Variants in VIT observed in about 807,000 individuals in gnomAD.
VIT encodes the protein vitrin.
A neutral mutation model predicts 78.0 loss-of-function variants in VIT; 99 were observed. The ratio of observed to expected loss-of-function variants is 1.27; its 90% CI spans 1.08 to 1.50. VIT has a LOEUF of 1.50. Among genes scored for constraint, VIT ranks in the 40% most tolerant of loss-of-function variants. The pLI, the probability that VIT is intolerant of heterozygous loss-of-function variation, is 0.00. For synonymous variants in VIT, 374 were observed against 334.3 expected, an observed-to-expected ratio of 1.12 and a Z score of -1.29; for missense variants, 1,126 against 875.3, an observed-to-expected ratio of 1.29 and a Z score of -3.61.
At chr2:36,762,584 T>C (rs372799720) in intron 6 of VIT, among the ~76,000 whole-genome samples, 43 of 152,122 alleles carry the variant, frequency 2.8e-4, no homozygotes, top group African/African-American at 1.0e-3. Flanking sequence ...CGAATTCAAA[T>C]AAAAAATTTC....
At chr2:36,730,822 A>C (rs930528508) in intron 3 of VIT, among the ~76,000 whole-genome samples, 2 of 152,196 alleles carry the variant, frequency 1.3e-5, no homozygotes, top group African/African-American at 4.8e-5. Flanking sequence ...AAAGGCGTGA[A>C]AGTCCCTAAT....
rs1016496368 is a variant in VIT, at chr2:36,805,563, A to G, written c.1288A>G (p.Arg430Gly). 1.7e-5 allele frequency: 27 copies of G among 1,614,030 alleles called. No individual in the cohort carries two copies. The highest frequency in any genetic ancestry group is 2.2e-5 in the East Asian group (1 of 44,890). The change falls in exon 14 of 16, where the codon AGA becomes GGA. Residue 430 changes from arginine (R) to glycine (G), a missense_variant. Transcript: ENST00000379242. ...CACGGACAAAGTGGAGGAGGCTTCAAGACTTGCGAGAGAGTCAGGAATCAA... is the reference window on the plus strand; with the variant it reads ...CACGGACAAAGTGGAGGAGGCTTCAGGACTTGCGAGAGAGTCAGGAATCAA... ...WPTDKVEEAS[R>G]LARESGINIF...
intron 15 of VIT, among the ~76,000 whole-genome samples, chr2:36,813,483 C>T (rs1216086799): frequency 6.6e-6 from 1 of 152,038 alleles, no homozygotes; most frequent in African/African-American, 2.4e-5. Flanking sequence ...AGCACTTTTT[C>T]ATGTTCATCT....
chr2:36,704,146 G>A (rs906151122), intron 1 of VIT, among the ~76,000 whole-genome samples: 8 of 151,858 alleles, frequency 5.3e-5, no homozygotes, highest in Admixed American at 1.3e-4. Context: ...GGCTGGTCTC[G>A]AAGTCCTGAC....
intron 1 of VIT, among the ~76,000 whole-genome samples, chr2:36,708,775 T>C (rs922384116): frequency 6.6e-6 from 1 of 152,176 alleles, no homozygotes; most frequent in African/African-American, 2.4e-5. Context: ...TATGTGCCCA[T>C]CCACCCTTTT....
At chr2:36,755,795 T>A (rs1002590522) in intron 5 of VIT, among the ~76,000 whole-genome samples, 3 of 152,194 alleles carry the variant, frequency 2.0e-5, no homozygotes, top group African/African-American at 7.2e-5. Flanking sequence ...GCACCTATTA[T>A]TTTTAAGTGG....
chr2:36,731,983 G>T (rs1447917205), intron 3 of VIT, among the ~76,000 whole-genome samples: 2 of 152,158 alleles, frequency 1.3e-5, no homozygotes, highest in Non-Finnish European at 2.9e-5. Flanking sequence ...GACCAAAAGG[G>T]CAACCATCCA....
chr2:36,776,812 C>G (rs904341895), intron 9 of VIT, among the ~76,000 whole-genome samples: 1 of 150,418 alleles, frequency 6.6e-6, no homozygotes, highest in Non-Finnish European at 1.5e-5. Context: ...ATAAAATGGC[C>G]TGGCGCGGTG....
At chr2:36,713,529 T>G (rs138187977) in intron 1 of VIT, among the ~76,000 whole-genome samples, 13 of 152,270 alleles carry the variant, frequency 8.5e-5, no homozygotes, top group Admixed American at 2.6e-4. Flanking sequence ...CAATTTACTT[T>G]GAATAGGATC....
chr2:36,700,035 T>C (rs1453051484), intron 1 of VIT, among the ~76,000 whole-genome samples: 1 of 152,128 alleles, frequency 6.6e-6, no homozygotes, highest in Non-Finnish European at 1.5e-5. Flanking sequence ...TTTAATTATA[T>C]GTGACTATAA....
At chr2:36,734,822 G>A (rs1435779792) in intron 3 of VIT, among the ~76,000 whole-genome samples, 1 of 152,054 alleles carries the variant, frequency 6.6e-6, no homozygotes, top group African/African-American at 2.4e-5. Context: ...ATGTTACTTA[G>A]CACCACTGGT....
chr2:36,722,561 C>G (rs1289546532), intron 2 of VIT, among the ~76,000 whole-genome samples: 1 of 152,180 alleles, frequency 6.6e-6, no homozygotes. Flanking sequence ...GAAACCTGAA[C>G]TATGTTTAAA....
At chr2:36,748,556 T>A (rs894008711) in intron 4 of VIT, among the ~76,000 whole-genome samples, 1 of 152,232 alleles carries the variant, frequency 6.6e-6, no homozygotes, top group Non-Finnish European at 1.5e-5. Flanking sequence ...TATTATGAAA[T>A]TCCTGTAGTA....
In VIT at chr2:36,702,195, G is replaced by A. The variant is rs145665396; in HGVS notation, c.-19+5222G>A. Reference sequence around the variant, plus strand: ...GGAAAAGCAAATGAAACAGCCCTGAGTGGAACCATGCTTGGGAGGCCAGTG... The same window carrying A: ...GGAAAAGCAAATGAAACAGCCCTGAATGGAACCATGCTTGGGAGGCCAGTG... On this transcript the variant is annotated intron_variant, in intron 1 of 15. Transcript: ENST00000379242. Among the ~76,000 whole-genome samples the A allele has an allele frequency of 8.6e-3, 1,303 of 152,276 alleles. 11 individuals carry two copies. The highest frequency in any genetic ancestry group is 0.024 in the South Asian group (114 of 4,820).
At chr2:36,721,469 C>T (rs1666505460) in intron 2 of VIT, among the ~76,000 whole-genome samples, 1 of 152,100 alleles carries the variant, frequency 6.6e-6, no homozygotes, top group Admixed American at 6.5e-5. Context: ...TGATGGCTTC[C>T]CTGCCCCAAA....
intron 14 of VIT, among the ~76,000 whole-genome samples, chr2:36,807,141 C>A (rs911053297): frequency 2.0e-5 from 3 of 152,188 alleles, no homozygotes; most frequent in African/African-American, 4.8e-5. Flanking sequence ...CTGGTACCCT[C>A]CATCTGGTCC....
chr2:36,760,065 G>T (rs1267183862), intron 6 of VIT, among the ~76,000 whole-genome samples: 1 of 150,926 alleles, frequency 6.6e-6, no homozygotes, highest in African/African-American at 2.4e-5. Context: ...TGCGATCTCA[G>T]CTCCCTACAA....
intron 5 of VIT, among the ~76,000 whole-genome samples, chr2:36,756,029 C>G (rs1402397785): frequency 2.8e-5 from 4 of 143,580 alleles, no homozygotes; most frequent in Non-Finnish European, 4.5e-5. Context: ...ACGATCTCGG[C>G]TCACCGCAAC....
At chr2:36,731,172 A>T (rs1573173672) in intron 3 of VIT, among the ~76,000 whole-genome samples, 1 of 152,042 alleles carries the variant, frequency 6.6e-6, no homozygotes, top group Non-Finnish European at 1.5e-5. Context: ...ACCGCTCTCA[A>T]TAGCTCCCTT....
Sources: allele counts gnomAD v4.1 joint callset (sites outside exome capture counted in the v4.1 genomes callset), GRCh38; gene constraint gnomAD v4.1.1; transcripts MANE v1.5; gene names NCBI Gene and HGNC (gene_info 2026-07-23, HGNC 2026-07-21).